SUGCT: variants seen among roughly 807,000 people sequenced by gnomAD.
SUGCT encodes succinyl-CoA:glutarate-CoA transferase, also known as succinyl-CoA:glutarate CoA-transferase.
In SUGCT, 41 loss-of-function variants were observed where a neutral mutation model predicts 55.0. That is an observed-to-expected ratio of 0.74 (90% confidence interval 0.58 to 0.97). The LOEUF is 0.97. Among genes scored for constraint, SUGCT ranks in the 50% least tolerant of loss-of-function variants. The pLI, the probability that SUGCT is intolerant of heterozygous loss-of-function variation, is 0.00. For missense variants in SUGCT, 568 were observed against 547.8 expected (o/e 1.04, Z -0.37); for synonymous variants, 187 against 200.4 (o/e 0.93, Z 0.56).
At chr7:40,161,990 G>A (rs960666588) in intron 1 of SUGCT, among the ~76,000 whole-genome samples, 2 of 151,880 alleles carry the variant, frequency 1.3e-5, no homozygotes, top group Admixed American at 6.6e-5. Flanking sequence ...TCCGCCTCCC[G>A]GGTTCAAGCC....
At chr7:40,313,631 G>T (rs1190812623) in intron 8 of SUGCT, among the ~76,000 whole-genome samples, 2 of 117,288 alleles carry the variant, frequency 1.7e-5, no homozygotes, top group African/African-American at 6.0e-5. Flanking sequence ...TTGTTTGTTT[G>T]TTTTTGTTTT....
chr7:40,828,593 AACTCAAGAACACAATG>A, intron 13 of SUGCT, among the ~76,000 whole-genome samples: 1 of 151,814 alleles, frequency 6.6e-6, no homozygotes, highest in Admixed American at 6.6e-5. Flanking sequence ...AAAAAAAAAA[AACTCAAGAACACAATG>A]TTGAATTAAA....
intron 11 of SUGCT, among the ~76,000 whole-genome samples, chr7:40,462,954 A>G (rs1423828430): frequency 1.3e-5 from 2 of 152,150 alleles, no homozygotes; most frequent in East Asian, 3.9e-4. Context: ...CCTGTTACTC[A>G]TTTATTGTAC....
At chr7:40,333,273 G>A (rs1475434941) in intron 9 of SUGCT, among the ~76,000 whole-genome samples, 1 of 152,054 alleles carries the variant, frequency 6.6e-6, no homozygotes, top group Non-Finnish European at 1.5e-5. Context: ...TAAAGAAAAT[G>A]TATAAAATAA....
intron 13 of SUGCT, among the ~76,000 whole-genome samples, chr7:40,763,381 TCA>T (rs906930455): frequency 2.5e-4 from 38 of 152,192 alleles, no homozygotes; most frequent in African/African-American, 7.5e-4. Flanking sequence ...AACTAGAAAG[TCA>T]CAGAGTCAGA....
intron 1 of SUGCT, among the ~76,000 whole-genome samples, chr7:40,166,732 CA>C (rs756956466): frequency 3.3e-5 from 5 of 151,870 alleles, no homozygotes; most frequent in African/African-American, 7.3e-5. Context: ...ACTAAAAATA[CA>C]AAAATTAGTC....
At chr7:40,154,083 GT>G in intron 1 of SUGCT, 1 of 242,204 alleles carries the variant, frequency 4.1e-6, no homozygotes. Context: ...TTGTGCTGCA[GT>G]TTATATTTTG....
chr7:40,872,579 C>T, the SUGCT span, among the ~76,000 whole-genome samples: 2 of 152,314 alleles, frequency 1.3e-5, no homozygotes, highest in South Asian at 2.1e-4. Context: ...CCACAGTTTA[C>T]TCTGATGAGT....
At chr7:40,847,402 T>C (rs1294402424) in intron 13 of SUGCT, among the ~76,000 whole-genome samples, 2 of 133,618 alleles carry the variant, frequency 1.5e-5, no homozygotes, top group Non-Finnish European at 3.2e-5. Flanking sequence ...ACATTTCTTT[T>C]CTTTCTTTCT....
intron 12 of SUGCT, among the ~76,000 whole-genome samples, chr7:40,709,783 T>C (rs962786879): frequency 5.3e-5 from 8 of 152,184 alleles, no homozygotes; most frequent in Non-Finnish European, 8.8e-5. Context: ...GTTCTCAAAC[T>C]TCAGTTTCAG....
the SUGCT span, among the ~76,000 whole-genome samples, chr7:40,915,225 A>G: frequency 6.6e-6 from 1 of 152,176 alleles, no homozygotes; most frequent in African/African-American, 2.4e-5. Flanking sequence ...TCTGGGCAGT[A>G]CAAAGTCGAA....
the SUGCT span, among the ~76,000 whole-genome samples, chr7:40,910,185 T>C: frequency 6.6e-6 from 1 of 151,418 alleles, no homozygotes; most frequent in Non-Finnish European, 1.5e-5. Flanking sequence ...GAAGGATCCA[T>C]GGAATAGAGG....
At chr7:40,230,057 T>A (rs1002116646) in intron 6 of SUGCT, among the ~76,000 whole-genome samples, 1 of 152,206 alleles carries the variant, frequency 6.6e-6, no homozygotes, top group African/African-American at 2.4e-5. Context: ...CTAATAACAA[T>A]GGTATTACTT....
intron 5 of SUGCT, among the ~76,000 whole-genome samples, chr7:40,191,848 G>A (rs1364093319): frequency 2.0e-5 from 3 of 152,084 alleles, no homozygotes; most frequent in Admixed American, 6.6e-5. Context: ...GGTGGCTCAC[G>A]CCTGTAATCC....
intron 12 of SUGCT, among the ~76,000 whole-genome samples, chr7:40,622,862 A>G (rs113982581): frequency 6.6e-6 from 1 of 152,204 alleles, no homozygotes; most frequent in South Asian, 2.1e-4. Flanking sequence ...AGCCTGTGAT[A>G]CCATGAAACC....
rs191078227 is a variant in SUGCT at position 40,711,122 on chromosome 7, C to T, written c.1090-38312C>T. 1.5e-3 allele frequency among the ~76,000 whole-genome samples: 228 copies of T among 152,304 alleles called. 1 individual carries two copies. The highest frequency in any genetic ancestry group is 5.2e-3 in the African/African-American group (218 of 41,566). ...GGGAACAGCAGTAAGTGAAGGCCAA[C>T]GGGTGTGAGAAACTCAGGAGAAGTG... is the stretch of plus-strand genomic sequence containing the variant. On this transcript the variant is annotated intron_variant, in intron 12 of 13. Coordinates refer to ENST00000335693, the MANE Select transcript of SUGCT (RefSeq NM_001193313.2).
the SUGCT span, among the ~76,000 whole-genome samples, chr7:40,930,292 A>G: frequency 0.33 from 50,037 of 152,056 alleles, 9,057 homozygotes; most frequent in Admixed American, 0.45. Context: ...ATCTGTTTTG[A>G]TACCAGTACC....
intron 12 of SUGCT, chr7:40,538,650 G>C (rs1794503988): frequency 6.6e-6 from 1 of 152,268 alleles, no homozygotes; most frequent in East Asian, 1.9e-4. Flanking sequence ...AGGTAGTTCA[G>C]AATAATAAAG....
chr7:40,493,763 AT>A (rs1287276353), intron 11 of SUGCT, among the ~76,000 whole-genome samples: 1 of 151,924 alleles, frequency 6.6e-6, no homozygotes, highest in Non-Finnish European at 1.5e-5. Flanking sequence ...AGCTTTTTAA[AT>A]TTTTTTTAGC....
Sources: allele counts gnomAD v4.1 joint callset (sites outside exome capture counted in the v4.1 genomes callset), GRCh38; gene constraint gnomAD v4.1.1; transcripts MANE v1.5; gene names NCBI Gene and HGNC (gene_info 2026-07-23, HGNC 2026-07-21).